The following HEMK1 variants were observed in gnomAD, a reference collection of about 807,000 sequenced individuals.
HEMK1 encodes MTRF1L release factor glutamine methyltransferase.
A neutral mutation model predicts 47.9 loss-of-function variants in HEMK1; 36 were observed. The observed-to-expected ratio is 0.75, with a 90% confidence interval of 0.58 to 0.99. HEMK1 has a LOEUF of 0.99. Ranked by LOEUF, HEMK1 falls within the 50% of genes least tolerant of loss-of-function variation. The probability of loss-of-function intolerance (pLI) is 0.00; values close to 1 mark genes in which losing one functional copy is unlikely to be tolerated. For missense variants in HEMK1, 383 were observed against 434.5 expected (o/e 0.88, Z 1.05); for synonymous variants, 153 against 165.4 (o/e 0.93, Z 0.57).
In HEMK1 at chr3:50,580,024, A is replaced by G. The variant is rs769907317; in HGVS notation, c.866+85A>G. ...TACTGGGCAGGCCCTGGCAGAGGTCAGCACAGGACCCTCACCTCGCCAGCC... is the reference window on the plus strand; with the variant it reads ...TACTGGGCAGGCCCTGGCAGAGGTCGGCACAGGACCCTCACCTCGCCAGCC... On this transcript the variant is annotated intron_variant, in intron 9 of 10. Coordinates refer to ENST00000232854, the MANE Select transcript of HEMK1 (RefSeq NM_016173.5). The G allele has an allele frequency of 1.1e-4, 164 of 1,521,792 alleles. 1 individual carries two copies. Among genetic ancestry groups the G allele is most frequent in the Non-Finnish European group, 1.4e-4 (155 of 1,097,510 alleles). 94.3% of individuals were successfully genotyped at this position (1,521,792 alleles called of 1,614,324 possible).
At chr3:50,569,400 A>C (rs894976204), upstream of HEMK1, 1 of 152,236 alleles carries the variant, frequency 6.6e-6, no homozygotes, top group African/African-American at 2.4e-5. Context: ...GGAGGAACCC[A>C]CCAGCGATAG....
chr3:50,571,651 A>T, intron 2 of HEMK1, 59 bp from the exon 3 acceptor site: 1 of 1,483,792 alleles, frequency 6.7e-7, no homozygotes. Flanking sequence ...CACATAAGAC[A>T]CCTGGGTTGG....
At position 50,571,313 on chromosome 3, in the gene HEMK1, A is replaced by G. The variant is rs1333989019; in HGVS notation, c.209A>G (p.His70Arg). The change falls in exon 2 of 11, where the codon CAT becomes CGT. Residue 70 changes from histidine (H) to arginine (R), a missense_variant. Physicochemically the swap from His to Arg is conservative, Grantham distance 29. Transcript: ENST00000232854. Reference sequence around the variant, plus strand: ...GAATCCAGTGAGTACATCGTGGCTCATGTCCTTGGAGCCAAAACAGTTAAG... The same window carrying G: ...GAATCCAGTGAGTACATCGTGGCTCGTGTCCTTGGAGCCAAAACAGTTAAG... ...ARESSEYIVA[H>R]VLGAKTFQSL... The G allele has an allele frequency of 1.9e-6, 3 of 1,596,782 alleles. No individual in the cohort carries two copies. The highest frequency in any genetic ancestry group is 1.7e-6 in the Non-Finnish European group (2 of 1,170,430).
chr3:50,589,525 A>G lies in HEMK1; in HGVS notation c.*9108A>G, dbSNP rs1208909433. 1 of 151,868 alleles carries G rather than the reference A, an allele frequency of 6.6e-6. No individual in the cohort carries two copies. Among genetic ancestry groups the G allele is most frequent in the East Asian group, 1.9e-4 (1 of 5,166 alleles). The allele number at this position is 151,868 out of a possible 1,614,324, so 9.4% of individuals were successfully genotyped here. A position where few individuals can be genotyped will look rare whatever the true frequency, so the allele number is the denominator to read the frequency against. ...GAGGCAGGAGGATTACTTGAGCACA[A>G]GAGTTTAAGACAGCAGTGAGCTATA... On this transcript the variant is annotated 3_prime_UTR_variant, in exon 11 of 11. Transcript: ENST00000232854.
chr3:50,579,976 C>G, intron 9 of HEMK1, 37 bp downstream of exon 9: 2 of 1,571,240 alleles, frequency 1.3e-6, no homozygotes, highest in Non-Finnish European at 1.8e-6. Flanking sequence ...CTGTCCCCAG[C>G]AGGCTCCTCT....
rs761199170 is a variant in HEMK1, at chr3:50,578,923, G to A, written c.767G>A (p.Arg256His). The part of the protein sequence containing the change: ...QDMEQLAPEI[R>H]SYEDPAALDG... ...ATGGAGCAGCTGGCCCCTGAGATCC[G>A]CAGGTGCTAAGCAGGGTGGGCCAGG... Residue 256 changes from arginine (R) to histidine (H), a missense_variant, in exon 8 of 11, where the codon CGC (arginine) becomes CAC (histidine). Arg to His is a conservative substitution (Grantham distance 29). Transcript: ENST00000232854. 14 of 1,609,308 alleles carry A rather than the reference G, an allele frequency of 8.7e-6. No homozygotes were observed. The highest frequency in any genetic ancestry group is 7.8e-5 in the South Asian group (7 of 90,156).
At position 50,591,820 on chromosome 3, in the gene HEMK1, G is replaced by C. The variant is rs1414530183; in HGVS notation, c.*11403G>C. ...CATAGAAAAGAGGGCCAAAGATGGG[G>C]CTGGGCGTGGTGGCTCACTCCTGTA... On this transcript the variant is annotated 3_prime_UTR_variant, in exon 11 of 11. Transcript: ENST00000232854. The C allele has an allele frequency of 6.6e-6, 1 of 152,400 alleles. No homozygotes were observed. Among genetic ancestry groups the C allele is most frequent in the African/African-American group, 2.4e-5 (1 of 41,554 alleles). The allele number at this position is 152,400 out of a possible 1,614,324, so 9.4% of individuals were successfully genotyped here. A position where few individuals can be genotyped will look rare whatever the true frequency, so the allele number is the denominator to read the frequency against.
chr3:50,579,436 A>T (rs2030403274), intron 8 of HEMK1, among the ~76,000 whole-genome samples: 1 of 152,148 alleles, frequency 6.6e-6, no homozygotes, highest in Non-Finnish European at 1.5e-5. Context: ...GCAGCCCAGG[A>T]GTCCTGGATG....
In HEMK1 at chr3:50,571,747, T is replaced by C; in HGVS notation, c.266T>C (p.Leu89Ser). The C allele has an allele frequency of 6.2e-7, 1 of 1,614,174 alleles. No individual in the cohort carries two copies. The highest frequency in any genetic ancestry group is 8.5e-7 in the Non-Finnish European group (1 of 1,180,026). Residue 89 changes from leucine to serine, a missense_variant, in exon 3 of 11, where the codon TTG (leucine) becomes TCG (serine). Transcript: ENST00000232854. The stretch of plus-strand genomic sequence containing the variant: ...AGGCCGGCACTTTGGACCCAGCCCT[T>C]GACCTCTCAGCAACTACAGTGTATC... ...SLRPALWTQP[L>S]TSQQLQCIRE...
chr3:50,575,703 C>A (rs1162428574), intron 4 of HEMK1, among the ~76,000 whole-genome samples: 1 of 152,220 alleles, frequency 6.6e-6, no homozygotes, highest in East Asian at 1.9e-4. Context: ...ATCCCCAGCT[C>A]CCTGAGCCAG....
chr3:50,580,261 A>G (rs1275682805), intron 10 of HEMK1, 32 bp downstream of exon 10: 10 of 1,607,806 alleles, frequency 6.2e-6, no homozygotes, highest in Admixed American at 5.0e-5. Flanking sequence ...GCCCTGTAGC[A>G]TGCTGGTCTT....
chr3:50,587,754 C>A lies in HEMK1; in HGVS notation c.*7337C>A, dbSNP rs1407732548. ...TTCTGGGGACCAGGGGCCTAAAGAG[C>A]TTTTTGAGCTGAGTTACAGGGTTAG... On this transcript the variant is annotated 3_prime_UTR_variant, in exon 11 of 11. Transcript: ENST00000232854. This position sits in a 1 kb window ranked among gnomAD's most constrained non-coding sequence, Gnocchi z 4.2. 6.6e-6 allele frequency: 1 copy of A among 152,240 alleles called. No individual in the cohort carries two copies. Among genetic ancestry groups the A allele is most frequent in the African/African-American group, 2.4e-5 (1 of 41,444 alleles). The allele number at this position is 152,240 out of a possible 1,614,324, so 9.4% of individuals were successfully genotyped here. A position where few individuals can be genotyped will look rare whatever the true frequency, so the allele number is the denominator to read the frequency against.
rs2031881015 is a variant in HEMK1, at chr3:50,594,746, T to A, written c.*14329T>A. On this transcript the variant is annotated 3_prime_UTR_variant, in exon 11 of 11. Transcript: ENST00000232854. ...TTGGGTGGGACAACCGTGGCTTGTG[T>A]TTTCTGCCAGCTCCCAACTGAAGAC... The A allele has an allele frequency of 6.6e-6, 1 of 152,170 alleles. No homozygotes were observed. The allele number at this position is 152,170 out of a possible 1,614,324, so 9.4% of individuals were successfully genotyped here.
In HEMK1 at chr3:50,577,124, A is replaced by C; in HGVS notation, c.487A>C (p.Ile163Leu). 6.2e-7 allele frequency: 1 copy of C among 1,613,622 alleles called. No homozygotes were observed. The highest frequency in any genetic ancestry group is 8.5e-7 in the Non-Finnish European group (1 of 1,179,844). ...TGTGGGATCCCCAGGCAGCCCCCTC[A>C]TTCTGGAGGTGGGCTGCGGATCAGG... is the stretch of plus-strand genomic sequence containing the variant. Reference protein sequence around the residue: ...HAVGSPGSPLILEVGCGSGAI... With the variant: ...HAVGSPGSPLLLEVGCGSGAI... Residue 163 changes from isoleucine to leucine, a missense_variant, in exon 5 of 11, where the codon ATT becomes CTT. By Grantham distance (5) the Ile-to-Leu change is conservative. Transcript: ENST00000232854.
In HEMK1 at chr3:50,584,789, C is replaced by T. The variant is rs1252267092; in HGVS notation, c.*4372C>T. 3 of 152,172 alleles carry T rather than the reference C, an allele frequency of 2.0e-5. No homozygotes were observed. Among genetic ancestry groups the T allele is most frequent in the African/African-American group, 7.2e-5 (3 of 41,424 alleles). 9.4% of individuals were successfully genotyped at this position (152,172 alleles called of 1,614,324 possible). A position where few individuals can be genotyped will look rare whatever the true frequency, so the allele number is the denominator to read the frequency against. ...ATGTGTGATAATTTGTTACAGCAGC[C>T]ACGGGAAACGAATATAGATTGTGGT... is the stretch of plus-strand genomic sequence containing the variant. On this transcript the variant is annotated 3_prime_UTR_variant, in exon 11 of 11. Coordinates refer to ENST00000232854, the MANE Select transcript of HEMK1 (RefSeq NM_016173.5).
rs1464423040 is a variant in HEMK1, at chr3:50,580,606, GCT to G, written c.*192_*193del. The G allele has an allele frequency of 1.1e-5, 7 of 626,744 alleles. No individual in the cohort carries two copies. Among genetic ancestry groups the G allele is most frequent in the Non-Finnish European group, 2.0e-5 (7 of 358,644 alleles). 38.8% of individuals were successfully genotyped at this position (626,744 alleles called of 1,614,324 possible). On this transcript the variant is annotated 3_prime_UTR_variant, in exon 11 of 11. Transcript: ENST00000232854. ...CACATCAGAGTGGCTGAGGGCAGTTGCTCTGTGTTGGTGAAATTGCTGTGGGG... is the reference window on the plus strand; with the variant it reads ...CACATCAGAGTGGCTGAGGGCAGTTGCTGTGTTGGTGAAATTGCTGTGGGG...
At chr3:50,571,618 A>G (rs1420867766) in intron 2 of HEMK1, 92 bp from the exon 3 acceptor site, 1 of 1,200,112 alleles carries the variant, frequency 8.3e-7, no homozygotes, top group Non-Finnish European at 1.2e-6. Flanking sequence ...GGGCCTCCAG[A>G]CCAGTGCTGG....
In HEMK1 at chr3:50,582,529, C is replaced by T. The variant is rs1575959860; in HGVS notation, c.*2112C>T. On this transcript the variant is annotated 3_prime_UTR_variant, in exon 11 of 11. Coordinates refer to ENST00000232854, the MANE Select transcript of HEMK1 (RefSeq NM_016173.5). ...CCTCACTCAGCCTTGGCTTCTAAGG[C>T]TGAGAAATGGGACTTAATGCTTTAT... The T allele has an allele frequency of 6.6e-6, 1 of 152,232 alleles. No homozygotes were observed. The highest frequency in any genetic ancestry group is 1.9e-4 in the East Asian group (1 of 5,196). The allele number at this position is 152,232 out of a possible 1,614,324, so 9.4% of individuals were successfully genotyped here. A position where few individuals can be genotyped will look rare whatever the true frequency, so the allele number is the denominator to read the frequency against.
rs995662009 is a variant in HEMK1, at chr3:50,589,369, G to C, written c.*8952G>C. 3 of 151,834 alleles carry C rather than the reference G, an allele frequency of 2.0e-5. No homozygotes were observed. Among genetic ancestry groups the C allele is most frequent in the Non-Finnish European group, 4.4e-5 (3 of 67,994 alleles). 9.4% of individuals were successfully genotyped at this position (151,834 alleles called of 1,614,324 possible). ...GAGCACATAGGAAGGATTCTAATGT[G>C]TCATAATTTGGTGCTGTGCCCATTT... is the stretch of plus-strand genomic sequence containing the variant. On this transcript the variant is annotated 3_prime_UTR_variant, in exon 11 of 11. Transcript: ENST00000232854.
Sources: gnomAD v4.1 joint callset for allele counts (sites outside exome capture counted in the v4.1 genomes callset) on GRCh38, gnomAD v4.1.1 for gene constraint, Gnocchi (gnomAD v3.1) non-coding constraint, MANE v1.5 for transcripts, NCBI Gene and HGNC (gene_info 2026-07-23, HGNC 2026-07-21) for gene names.